Variants in PPFIA2 observed in about 807,000 individuals in gnomAD.
PPFIA2 encodes the protein PPFI scaffold protein A2, also known as liprin-alpha-2.
In PPFIA2, 46 loss-of-function variants were observed where a neutral mutation model predicts 175.5. The observed-to-expected ratio is 0.26, with a 90% CI of 0.21 to 0.34. PPFIA2 has a LOEUF of 0.34. Among genes scored for constraint, PPFIA2 ranks in the 10% least tolerant of loss-of-function variants. The pLI is 1.00. For synonymous variants in PPFIA2, 568 were observed against 511.4 expected, an observed-to-expected ratio of 1.11 and a Z score of -1.49; for missense variants, 1,179 against 1,506.1, an observed-to-expected ratio of 0.78 and a Z score of 3.60.
chr12:81,510,867 A>C lies in PPFIA2; in HGVS notation c.304-53001T>G, dbSNP rs1038833506. On this transcript the variant is annotated intron_variant, in intron 4 of 32. Coordinates refer to ENST00000549396, the MANE Select transcript of PPFIA2 (RefSeq NM_003625.5). ...TAAGGCCATGTCTGAAATCATGTTC[A>C]CCCACATGAAACATTAAACTCAGAA... 1.3e-4 allele frequency among the ~76,000 whole-genome samples: 20 copies of C among 152,232 alleles called. No individual in the cohort carries two copies. In the Middle Eastern group the frequency reaches 0.01, roughly 78 times the overall value.
intron 4 of PPFIA2, among the ~76,000 whole-genome samples, chr12:81,572,627 T>C (rs924661130): frequency 1.3e-5 from 2 of 152,002 alleles, no homozygotes; most frequent in African/African-American, 4.8e-5. Flanking sequence ...CTTTCTTTTG[T>C]GCAAACTAAA....
chr12:81,486,299 A>T (rs928595333), intron 4 of PPFIA2, among the ~76,000 whole-genome samples: 1 of 151,796 alleles, frequency 6.6e-6, no homozygotes, highest in African/African-American at 2.4e-5. Flanking sequence ...CAGAATTAGT[A>T]CTCGAACCCA....
At chr12:81,622,052 G>A (rs907773470) in intron 4 of PPFIA2, among the ~76,000 whole-genome samples, 5 of 152,174 alleles carry the variant, frequency 3.3e-5, no homozygotes, top group Non-Finnish European at 7.4e-5. Context: ...GGAGGGGCCA[G>A]TAAGCATTAG....
chr12:81,270,017 C>G (rs1316749187), intron 28 of PPFIA2, among the ~76,000 whole-genome samples: 1 of 152,110 alleles, frequency 6.6e-6, no homozygotes, highest in Non-Finnish European at 1.5e-5. Context: ...AAAATCACCA[C>G]TAAAGAACTT....
intron 4 of PPFIA2, among the ~76,000 whole-genome samples, chr12:81,480,540 G>A (rs986396439): frequency 3.9e-5 from 6 of 152,106 alleles, no homozygotes; most frequent in East Asian, 1.9e-4. Flanking sequence ...CCTCATCTTC[G>A]TGGATTTATC....
At chr12:81,632,607 T>C (rs1291531468) in intron 4 of PPFIA2, among the ~76,000 whole-genome samples, 1 of 152,204 alleles carries the variant, frequency 6.6e-6, no homozygotes, top group African/African-American at 2.4e-5. Context: ...TCTTGCCCTC[T>C]TTGCCTTTCC....
intron 7 of PPFIA2, among the ~76,000 whole-genome samples, chr12:81,416,306 C>T (rs1332465381): frequency 6.6e-6 from 1 of 151,396 alleles, no homozygotes; most frequent in Non-Finnish European, 1.5e-5. Flanking sequence ...GAAAGCAAGA[C>T]TCAATTTAGA....
chr12:81,718,274 T>G (rs2078897691), intron 3 of PPFIA2, among the ~76,000 whole-genome samples: 1 of 151,660 alleles, frequency 6.6e-6, no homozygotes, highest in African/African-American at 2.4e-5. Flanking sequence ...TGTGATAATG[T>G]GAAATTTCAG....
intron 6 of PPFIA2, among the ~76,000 whole-genome samples, chr12:81,443,441 G>T (rs2050602511): frequency 6.6e-6 from 1 of 151,758 alleles, no homozygotes; most frequent in African/African-American, 2.4e-5. Flanking sequence ...AGCTCCTAGG[G>T]TCATACGATG....
intron 23 of PPFIA2, among the ~76,000 whole-genome samples, chr12:81,295,762 G>A (rs1390009072): frequency 1.3e-5 from 2 of 152,026 alleles, no homozygotes; most frequent in Non-Finnish European, 2.9e-5. Context: ...AGGCCGAGGT[G>A]GAAGGATCAC....
intron 21 of PPFIA2, among the ~76,000 whole-genome samples, chr12:81,334,334 G>A (rs2056706199): frequency 6.6e-6 from 1 of 152,114 alleles, no homozygotes; most frequent in Admixed American, 6.5e-5. Context: ...CTTTGCTAAA[G>A]TGAAAACTCC....
chr12:81,675,686 T>C (rs558821921), intron 4 of PPFIA2: 2 of 152,136 alleles, frequency 1.3e-5, no homozygotes, highest in East Asian at 3.9e-4. Context: ...TTACATCACA[T>C]AAGCACTCAC....
Position 81,258,467 on chromosome 12 carries a change from A to G in PPFIA2, c.*1227T>C, listed in dbSNP as rs2034424833. ...CAGCAGAAAATCAGCAGTTAGATAA[A>G]TGGTATTATTAAATAGGCTTTACTT... On this transcript the variant is annotated 3_prime_UTR_variant, in exon 33 of 33. Transcript: ENST00000549396. 1 of 152,066 alleles carries G rather than the reference A, an allele frequency of 6.6e-6. No individual in the cohort carries two copies. The allele number at this position is 152,066 out of a possible 1,614,324, so 9.4% of individuals were successfully genotyped here. A position where few individuals can be genotyped will look rare whatever the true frequency, so the allele number is the denominator to read the frequency against.
chr12:81,424,712 A>G (rs1377468583), intron 7 of PPFIA2: 2 of 152,198 alleles, frequency 1.3e-5, no homozygotes, highest in East Asian at 3.8e-4. Context: ...AGTAAGAGTC[A>G]TGTGTGCTAC....
At chr12:81,264,973 C>T (rs1472465264) in intron 30 of PPFIA2, among the ~76,000 whole-genome samples, 1 of 150,562 alleles carries the variant, frequency 6.6e-6, no homozygotes, top group South Asian at 2.1e-4. Context: ...CAACTCCTTA[C>T]AGTGTCGTAG....
At chr12:81,427,794 CTGTATATTG>C (rs2047407578) in intron 7 of PPFIA2, among the ~76,000 whole-genome samples, 1 of 151,948 alleles carries the variant, frequency 6.6e-6, no homozygotes, top group Admixed American at 6.6e-5. Flanking sequence ...AAGTGCTTCC[CTGTATATTG>C]TCTCATCCAA....
At chr12:81,660,346 C>A (rs2068593133) in intron 4 of PPFIA2, among the ~76,000 whole-genome samples, 1 of 152,074 alleles carries the variant, frequency 6.6e-6, no homozygotes, top group Admixed American at 6.6e-5. Context: ...GCAGAGAAAT[C>A]CTTAAAGGAC....
intron 3 of PPFIA2, among the ~76,000 whole-genome samples, chr12:81,735,505 G>C (rs886649226): frequency 1.3e-5 from 2 of 151,680 alleles, no homozygotes; most frequent in Admixed American, 1.3e-4. Context: ...CTTTAACAGA[G>C]ATATGTTTTG....
chr12:81,552,874 C>T (rs570688064), intron 4 of PPFIA2, among the ~76,000 whole-genome samples: 1 of 152,078 alleles, frequency 6.6e-6, no homozygotes, highest in Non-Finnish European at 1.5e-5. Flanking sequence ...CACCTACACT[C>T]AGTCCATCGA....
Sources: allele counts gnomAD v4.1 joint callset (sites outside exome capture counted in the v4.1 genomes callset), GRCh38; gene constraint gnomAD v4.1.1; transcripts MANE v1.5; gene names NCBI Gene and HGNC (gene_info 2026-07-23, HGNC 2026-07-21).